FBF1: variants seen among roughly 807,000 people sequenced by gnomAD.
The protein encoded by FBF1 is Fas binding factor 1.
FBF1 carries 119 observed loss-of-function variants against 147.2 expected under a neutral mutation model. The observed-to-expected ratio is 0.81, with a 90% confidence interval of 0.70 to 0.94. The LOEUF is 0.94. FBF1 is among the 40% of genes least tolerant of loss of function. FBF1 has a pLI of 0.00. For synonymous variants in FBF1, 601 were observed against 609.0 expected (o/e 0.99, Z 0.19); for missense variants, 1,449 against 1,500.8 (o/e 0.97, Z 0.57).
Position 75,925,221 on chromosome 17 carries a change from G to T in FBF1, c.968+126C>A. On this transcript the variant is annotated intron_variant, in intron 13 of 29. Transcript: ENST00000636174. The surrounding 1 kb of genome is among the most constrained non-coding windows in gnomAD (Gnocchi z 5.0). Reference sequence around the variant, plus strand: ...CGCTTCCTTCAGCACCTGCAGAGCTGAGGGCCTTGTACCCTGTGGCCTCCC... The same window carrying T: ...CGCTTCCTTCAGCACCTGCAGAGCTTAGGGCCTTGTACCCTGTGGCCTCCC... 3.1e-6 allele frequency: 2 copies of T among 647,142 alleles called. No homozygotes were observed. The highest frequency in any genetic ancestry group is 5.2e-6 in the Non-Finnish European group (2 of 386,638). 40.1% of individuals were successfully genotyped at this position (647,142 alleles called of 1,614,324 possible).
intron 4 of FBF1, among the ~76,000 whole-genome samples, chr17:75,935,076 T>C (rs1003427301): frequency 6.6e-6 from 1 of 152,112 alleles, no homozygotes; most frequent in Non-Finnish European, 1.5e-5. Flanking sequence ...AATTAGGTAA[T>C]GTTGATGGTT....
In FBF1 at chr17:75,910,861, A is replaced by C; in HGVS notation, c.3364-55T>G. 6.9e-7 allele frequency: 1 copy of C among 1,456,994 alleles called. No individual in the cohort carries two copies. Among genetic ancestry groups the C allele is most frequent in the Non-Finnish European group, 9.4e-7 (1 of 1,059,056 alleles). The allele number at this position is 1,456,994 out of a possible 1,614,324, so 90.3% of individuals were successfully genotyped here. A position where few individuals can be genotyped will look rare whatever the true frequency, so the allele number is the denominator to read the frequency against. On this transcript the variant is annotated intron_variant, in intron 29 of 29. Coordinates refer to ENST00000636174, the MANE Select transcript of FBF1 (RefSeq NM_001319193.2). This position sits in a 1 kb window ranked among gnomAD's most constrained non-coding sequence, Gnocchi z 4.1. ...CTTCCCTGAGCTGAGAGGGAGGTGG[A>C]GCCCTGGATGCTAGCTGAGCCAGCC...
rs773942579 is a variant in FBF1, at chr17:75,912,287, T to C, written c.3268A>G (p.Thr1090Ala). 6.2e-7 allele frequency: 1 copy of C among 1,606,922 alleles called. No homozygotes were observed. The highest frequency in any genetic ancestry group is 8.5e-7 in the Non-Finnish European group (1 of 1,177,188). Residue 1090 changes from threonine to alanine, a missense_variant, in exon 29 of 30, where the codon ACC (threonine) becomes GCC (alanine). By Grantham distance (58) the Thr-to-Ala change is moderately conservative (BLOSUM62 0). Transcript: ENST00000636174. ...GGCGGCTGGCTGCACCAACGGGTGG[T>C]GGGAGCAGGAGGCATGAGGGCTGAA... ...SQSALMPPAP[T>A]TRWCSQPPTG...
intron 4 of FBF1, among the ~76,000 whole-genome samples, chr17:75,934,218 G>A (rs1460588865): frequency 6.6e-6 from 1 of 152,202 alleles, no homozygotes; most frequent in African/African-American, 2.4e-5. Flanking sequence ...AAAAGTTAAA[G>A]TACTGATTCA....
In FBF1 at chr17:75,914,956, G is replaced by C; in HGVS notation, c.2629-24C>G. ...CTCTGGGATGTGGGGGTGAAGGCAC[G>C]GGGTGAGTGTCCCTGGGCATAATGG... On this transcript the variant is annotated intron_variant, in intron 24 of 29. Coordinates refer to ENST00000636174, the MANE Select transcript of FBF1 (RefSeq NM_001319193.2). 7 of 1,611,310 alleles carry C rather than the reference G, an allele frequency of 4.3e-6. No individual in the cohort carries two copies. The South Asian group carries it at 6.6e-5, about 15-fold the overall frequency.
intron 7 of FBF1, 145 bp downstream of exon 7, chr17:75,929,852 C>T (rs1200462815): frequency 1.1e-5 from 8 of 728,386 alleles, no homozygotes; most frequent in East Asian, 8.1e-5. Flanking sequence ...GGCTCACAGA[C>T]GAGTTCCATG....
chr17:75,938,555 CA>C lies in FBF1; in HGVS notation c.-83-324del, dbSNP rs34602242. 8.9e-3 allele frequency among the ~76,000 whole-genome samples: 525 copies of C among 58,850 alleles called. 8 individuals carry two copies. Among genetic ancestry groups the C allele is most frequent in the African/African-American group, 0.028 (423 of 15,298 alleles). 38.6% of individuals were successfully genotyped at this position (58,850 alleles called of 152,430 possible). A position where few individuals can be genotyped will look rare whatever the true frequency, so the allele number is the denominator to read the frequency against. The stretch of plus-strand genomic sequence containing the variant: ...TAGGCAACAGAGTGAGACTCCATCT[CA>C]AAAAAAAAAAAAAAAAAAAAAGAGA... On this transcript the variant is annotated intron_variant, in intron 1 of 29. Coordinates refer to ENST00000636174, the MANE Select transcript of FBF1 (RefSeq NM_001319193.2).
chr17:75,928,031 G>A lies in FBF1; in HGVS notation c.397+45C>T, dbSNP rs748647009. 4.0e-6 allele frequency: 6 copies of A among 1,492,332 alleles called. No homozygotes were observed. The highest frequency in any genetic ancestry group is 2.3e-5 in the South Asian group (2 of 88,230). 92.4% of individuals were successfully genotyped at this position (1,492,332 alleles called of 1,614,324 possible). ...TCCTCAAAGTCTCCCTAGCAGATGC[G>A]AGGAGCCGTCTCCCATGCACCTTTC... On this transcript the variant is annotated intron_variant, in intron 8 of 29. Transcript: ENST00000636174. The surrounding 1 kb of genome is among the most constrained non-coding windows in gnomAD (Gnocchi z 4.2).
intron 5 of FBF1, among the ~76,000 whole-genome samples, chr17:75,931,538 C>A (rs2065594567): frequency 6.6e-6 from 1 of 152,122 alleles, no homozygotes. Flanking sequence ...AATCCCAGCA[C>A]TTTGGGAGGC....
In FBF1 at chr17:75,919,873, T is replaced by A; in HGVS notation, c.1933A>T (p.Ser645Cys). The change falls in exon 20 of 30, where the codon AGC (serine) becomes TGC (cysteine). Residue 645 changes from serine (S) to cysteine (C), a missense_variant and splice_region_variant. Ser to Cys is a moderately radical substitution (Grantham distance 112, BLOSUM62 -1). Transcript: ENST00000636174. This position sits in a 1 kb window ranked among gnomAD's most constrained non-coding sequence, Gnocchi z 5.0. ...DLELIESAHR[S>C]RIKVLETSYQ... ...GATGTTTCTAGCACCTTGATGCGGCTTCTGCCAACAGAACACCCAGCCATG... is the reference window on the plus strand; with the variant it reads ...GATGTTTCTAGCACCTTGATGCGGCATCTGCCAACAGAACACCCAGCCATG... 1 of 1,613,762 alleles carries A rather than the reference T, an allele frequency of 6.2e-7. No homozygotes were observed. Among genetic ancestry groups the A allele is most frequent in the South Asian group, 1.1e-5 (1 of 91,092 alleles).
At position 75,921,695 on chromosome 17, in the gene FBF1, C is replaced by A. The variant is rs1440316977; in HGVS notation, c.1527-135G>T. On this transcript the variant is annotated intron_variant, in intron 15 of 29. Transcript: ENST00000636174. ...CTCTACGTGGGACACGGGGATGGGG[C>A]AGGGTGGGCAGCCTCTGCTGGGACA... 5 of 87,806 alleles carry A rather than the reference C, an allele frequency of 5.7e-5. No homozygotes were observed. The South Asian group carries it at 7.3e-4, about 13-fold the overall frequency. 5.4% of individuals were successfully genotyped at this position (87,806 alleles called of 1,614,324 possible).
At position 75,914,060 on chromosome 17, in the gene FBF1, G is replaced by C; in HGVS notation, c.2992-10C>G. On this transcript the variant is annotated splice_polypyrimidine_tract_variant and intron_variant, in intron 26 of 29. Transcript: ENST00000636174. Reference sequence around the variant, plus strand: ...ACTTCTCGGAGGCCACCTGCAGGGAGGCCGCCTGGGTCAGGGCTGCCTGGG... The same window carrying C: ...ACTTCTCGGAGGCCACCTGCAGGGACGCCGCCTGGGTCAGGGCTGCCTGGG... 1 of 1,591,786 alleles carries C rather than the reference G, an allele frequency of 6.3e-7. No individual in the cohort carries two copies. Among genetic ancestry groups the C allele is most frequent in the Non-Finnish European group, 8.5e-7 (1 of 1,175,588 alleles).
rs756604784 is a variant in FBF1, at chr17:75,923,503, C to T, written c.1107G>A (p.Leu369=). 2.5e-6 allele frequency: 4 copies of T among 1,606,714 alleles called. No individual in the cohort carries two copies. Among genetic ancestry groups the T allele is most frequent in the South Asian group, 2.2e-5 (2 of 89,478 alleles). ...WLGLKDEDLD[L]FPASPTREAH... is the part of the protein sequence containing the mutation. ...CCTCTCTGGTGGGTGAGGCAGGGAA[C>T]AGGTCCAAGTCCTCGTCCTTGAGGC... Residue 369 remains leucine, a synonymous_variant, in exon 14 of 30, where the codon CTG becomes CTA. Coordinates refer to ENST00000636174, the MANE Select transcript of FBF1 (RefSeq NM_001319193.2). The surrounding 1 kb of genome is among the most constrained non-coding windows in gnomAD (Gnocchi z 4.1).
intron 5 of FBF1, among the ~76,000 whole-genome samples, chr17:75,932,610 C>T (rs993498430): frequency 2.6e-5 from 4 of 151,910 alleles, no homozygotes; most frequent in East Asian, 3.9e-4. Flanking sequence ...CCGGGTGGGC[C>T]GGGCATGGTG....
chr17:75,922,096 GC>G lies in FBF1; in HGVS notation c.1425-51del. The G allele has an allele frequency of 6.7e-7, 1 of 1,494,388 alleles. No homozygotes were observed. Among genetic ancestry groups the G allele is most frequent in the Non-Finnish European group, 9.1e-7 (1 of 1,096,654 alleles). 92.6% of individuals were successfully genotyped at this position (1,494,388 alleles called of 1,614,324 possible). Reference sequence around the variant, plus strand: ...GAAGGTGACAGAAGGCCCAGGTCAGGCTGGATGAAGACAGGGCCCAGGACGG... The same window carrying G: ...GAAGGTGACAGAAGGCCCAGGTCAGGTGGATGAAGACAGGGCCCAGGACGG... On this transcript the variant is annotated intron_variant, in intron 14 of 29. Coordinates refer to ENST00000636174, the MANE Select transcript of FBF1 (RefSeq NM_001319193.2). The surrounding 1 kb of genome is among the most constrained non-coding windows in gnomAD (Gnocchi z 5.0).
In FBF1 at chr17:75,909,713, C is replaced by T. The variant is rs72865803; in HGVS notation, c.*1010G>A. On this transcript the variant is annotated 3_prime_UTR_variant, in exon 30 of 30. Coordinates refer to ENST00000636174, the MANE Select transcript of FBF1 (RefSeq NM_001319193.2). Reference sequence around the variant, plus strand: ...CCGCAGGTGCTGGAGGGGAGAGGCACGTGGCCAGAGGCGCCTGGTCCTGAC... The same window carrying T: ...CCGCAGGTGCTGGAGGGGAGAGGCATGTGGCCAGAGGCGCCTGGTCCTGAC... 46,791 of 581,834 alleles carry T rather than the reference C, an allele frequency of 0.08. 2,857 individuals are homozygous for T. The highest frequency in any genetic ancestry group is 0.23 in the African/African-American group (12,536 of 53,654). 36.0% of individuals were successfully genotyped at this position (581,834 alleles called of 1,614,324 possible).
rs1159146427 is a variant in FBF1 at position 75,925,544 on chromosome 17, T to G, written c.869-98A>C. ...ACAAAAGCTGAATTTGGTAGCTTGT[T>G]GTGTAAGACAAGCAGAGGGAAGCTG... On this transcript the variant is annotated intron_variant, in intron 12 of 29. Coordinates refer to ENST00000636174, the MANE Select transcript of FBF1 (RefSeq NM_001319193.2). The surrounding 1 kb of genome is among the most constrained non-coding windows in gnomAD (Gnocchi z 5.0). 3.0e-5 allele frequency: 31 copies of G among 1,043,932 alleles called. No homozygotes were observed. Among genetic ancestry groups the G allele is most frequent in the Non-Finnish European group, 4.2e-6 (3 of 706,374 alleles). The allele number at this position is 1,043,932 out of a possible 1,614,324, so 64.7% of individuals were successfully genotyped here.
At chr17:75,912,956 C>T (rs1233668485) in intron 28 of FBF1, among the ~76,000 whole-genome samples, 1 of 151,770 alleles carries the variant, frequency 6.6e-6, no homozygotes, top group Non-Finnish European at 1.5e-5. Flanking sequence ...AAGAGAATCG[C>T]GTGAACTCAG....
At chr17:75,924,721 A>T (rs1221025707) in intron 13 of FBF1, among the ~76,000 whole-genome samples, 2 of 152,088 alleles carry the variant, frequency 1.3e-5, no homozygotes, top group African/African-American at 4.8e-5. Flanking sequence ...CAGGTGATCC[A>T]CCTGCCTTGG....
Sources: gnomAD v4.1 joint callset for allele counts (sites outside exome capture counted in the v4.1 genomes callset) on GRCh38, gnomAD v4.1.1 for gene constraint, Gnocchi (gnomAD v3.1) non-coding constraint, MANE v1.5 for transcripts, NCBI Gene and HGNC (gene_info 2026-07-23, HGNC 2026-07-21) for gene names.